Variants in PCDH9 observed in about 807,000 individuals in gnomAD.
The protein encoded by PCDH9 is protocadherin-9.
A neutral mutation model predicts 70.6 loss-of-function variants in PCDH9; 24 were observed. That is an observed-to-expected ratio of 0.34 (90% CI 0.25 to 0.48). The LOEUF (loss-of-function observed/expected upper bound fraction) is 0.48. PCDH9 is among the 20% of genes least tolerant of loss of function. The pLI, the probability that PCDH9 is intolerant of heterozygous loss-of-function variation, is 0.99. For synonymous variants in PCDH9, 562 were observed against 558.5 expected (o/e 1.01, Z -0.09); for missense variants, 1,281 against 1,503.6 (o/e 0.85, Z 2.45).
chr13:66,724,520 T>C (rs900068615), intron 3 of PCDH9, among the ~76,000 whole-genome samples: 8 of 152,210 alleles, frequency 5.3e-5, no homozygotes, highest in African/African-American at 1.7e-4. Flanking sequence ...AAAGTCTCTA[T>C]GTCCAGACCA....
At chr13:67,165,719 T>C (rs1345713129) in intron 2 of PCDH9, among the ~76,000 whole-genome samples, 1 of 152,210 alleles carries the variant, frequency 6.6e-6, no homozygotes, top group Non-Finnish European at 1.5e-5. Flanking sequence ...TTAAACACAT[T>C]ATCTTTTAAA....
intron 4 of PCDH9, among the ~76,000 whole-genome samples, chr13:66,522,453 A>AT (rs1196551175): frequency 2.0e-5 from 3 of 152,094 alleles, no homozygotes; most frequent in Non-Finnish European, 2.9e-5. Flanking sequence ...AATTACAACA[A>AT]TTTTTTTGAA....
At chr13:67,142,503 T>C (rs563293398) in intron 2 of PCDH9, among the ~76,000 whole-genome samples, 3 of 152,294 alleles carry the variant, frequency 2.0e-5, no homozygotes, top group African/African-American at 7.2e-5. Context: ...GGTGACAGCT[T>C]AGTTCACTAC....
intron 3 of PCDH9, among the ~76,000 whole-genome samples, chr13:66,754,012 ATTG>A (rs1012775493): frequency 2.6e-5 from 4 of 152,128 alleles, no homozygotes; most frequent in African/African-American, 9.7e-5. Context: ...CTGGTAGCAT[ATTG>A]TTGTTAGCCA....
At chr13:67,177,375 G>T in intron 2 of PCDH9, among the ~76,000 whole-genome samples, 1 of 151,812 alleles carries the variant, frequency 6.6e-6, no homozygotes, top group Admixed American at 6.6e-5. Context: ...CCAATTTTCT[G>T]TTCAATTGGC....
In PCDH9 at chr13:66,949,093, G is replaced by C. The variant is rs367831299; in HGVS notation, c.3037-45488C>G. Among the ~76,000 whole-genome samples, 7 of 152,074 alleles carry C rather than the reference G, an allele frequency of 4.6e-5. No individual in the cohort carries two copies. In the South Asian group the frequency reaches 1.4e-3, roughly 31 times the overall value. ...CGAGCTTGGCTAAATATGCTTTAAA[G>C]AGAGAGTTCTGCAGGTGAAGTGACA... is the stretch of plus-strand genomic sequence containing the variant. On this transcript the variant is annotated intron_variant, in intron 2 of 4. Coordinates refer to ENST00000377865, the MANE Select transcript of PCDH9 (RefSeq NM_203487.3).
chr13:67,105,612 A>G (rs2086524005), intron 2 of PCDH9, among the ~76,000 whole-genome samples: 1 of 152,094 alleles, frequency 6.6e-6, no homozygotes, highest in South Asian at 2.1e-4. Flanking sequence ...ATGATGCAGC[A>G]TCTTTTTAAA....
At chr13:66,446,101 A>G (rs1288441430) in intron 4 of PCDH9, among the ~76,000 whole-genome samples, 2 of 151,992 alleles carry the variant, frequency 1.3e-5, no homozygotes, top group African/African-American at 4.8e-5. Context: ...TTAAAAGAGA[A>G]ATAATCAGGG....
At chr13:67,083,166 A>C (rs886436486) in intron 2 of PCDH9, among the ~76,000 whole-genome samples, 1 of 152,162 alleles carries the variant, frequency 6.6e-6, no homozygotes, top group Non-Finnish European at 1.5e-5. Flanking sequence ...TATATTCTGC[A>C]TCTCATTCAA....
chr13:66,739,615 C>T (rs2079221331), intron 3 of PCDH9, among the ~76,000 whole-genome samples: 1 of 150,862 alleles, frequency 6.6e-6, no homozygotes, highest in Non-Finnish European at 1.5e-5. Flanking sequence ...TGCAGAGACA[C>T]ACATAGGCTC....
chr13:66,529,729 A>G (rs746989274), intron 4 of PCDH9, among the ~76,000 whole-genome samples: 6 of 151,958 alleles, frequency 3.9e-5, no homozygotes, highest in Admixed American at 2.0e-4. Context: ...TCTCTTTTAC[A>G]TGGCAGGTAG....
intron 4 of PCDH9, among the ~76,000 whole-genome samples, chr13:66,492,238 T>C (rs1477960376): frequency 6.6e-6 from 1 of 152,066 alleles, no homozygotes; most frequent in Non-Finnish European, 1.5e-5. Flanking sequence ...TAGCTGTTGC[T>C]ATTTACTTTC....
chr13:66,823,493 C>A (rs1054906483), intron 3 of PCDH9, among the ~76,000 whole-genome samples: 2 of 151,656 alleles, frequency 1.3e-5, no homozygotes, highest in Non-Finnish European at 2.9e-5. Context: ...TATATGCAGA[C>A]ACTAATATAT....
intron 4 of PCDH9, among the ~76,000 whole-genome samples, chr13:66,355,114 A>G (rs552193382): frequency 5.8e-4 from 88 of 152,236 alleles, no homozygotes; most frequent in Non-Finnish European, 1.1e-3. Flanking sequence ...GCCTAACAGC[A>G]TACTTACAGA....
At chr13:67,081,498 G>A (rs2138184586) in intron 2 of PCDH9, among the ~76,000 whole-genome samples, 1 of 152,254 alleles carries the variant, frequency 6.6e-6, no homozygotes, top group East Asian at 1.9e-4. Flanking sequence ...AACCCAGGAG[G>A]CAGAGGTTGC....
intron 3 of PCDH9, among the ~76,000 whole-genome samples, chr13:66,738,854 T>C (rs1172132697): frequency 2.0e-5 from 3 of 150,950 alleles, no homozygotes; most frequent in African/African-American, 4.9e-5. Context: ...AAAGACCAAA[T>C]CTACGTCTGA....
intron 3 of PCDH9, among the ~76,000 whole-genome samples, chr13:66,871,962 G>T (rs2081699053): frequency 1.3e-5 from 2 of 152,132 alleles, no homozygotes; most frequent in South Asian, 2.1e-4. Context: ...TCCACAGTTA[G>T]AATGAGCCAC....
chr13:66,881,433 T>A (rs1157495107), intron 3 of PCDH9, among the ~76,000 whole-genome samples: 1 of 152,074 alleles, frequency 6.6e-6, no homozygotes, highest in Non-Finnish European at 1.5e-5. Flanking sequence ...TCAGATCTTG[T>A]AAGACCCATT....
chr13:67,095,458 G>A (rs1285327005), intron 2 of PCDH9, among the ~76,000 whole-genome samples: 1 of 152,036 alleles, frequency 6.6e-6, no homozygotes, highest in African/African-American at 2.4e-5. Context: ...TTAAACAATA[G>A]TCAAACAATG....
Sources: allele counts gnomAD v4.1 joint callset (sites outside exome capture counted in the v4.1 genomes callset), GRCh38; gene constraint gnomAD v4.1.1; transcripts MANE v1.5; gene names NCBI Gene and HGNC (gene_info 2026-07-23, HGNC 2026-07-21).